Variants in AAK1 observed in about 807,000 individuals in gnomAD.
AAK1 encodes the protein AP2 associated kinase 1, also known as AP2-associated protein kinase 1.
A neutral mutation model predicts 116.0 loss-of-function variants in AAK1; 37 were observed. The ratio of observed to expected loss-of-function variants is 0.32; its 90% confidence interval spans 0.25 to 0.42. The LOEUF is 0.42. Among genes scored for constraint, AAK1 ranks in the 10% least tolerant of loss-of-function variants. The pLI is 1.00. For synonymous variants in AAK1, 458 were observed against 439.9 expected (o/e 1.04, Z -0.51); for missense variants, 919 against 1,170.6 (o/e 0.79, Z 3.14).
chr2:69,492,037 C>A lies in AAK1; in HGVS notation c.2365+3948G>T, dbSNP rs1032528979. Reference sequence around the variant, plus strand: ...GTGTGGCTGAGCACAGTCCAAACAACACTAAGGACTCACTTCCTCACCCAC... The same window carrying A: ...GTGTGGCTGAGCACAGTCCAAACAAAACTAAGGACTCACTTCCTCACCCAC... On this transcript the variant is annotated intron_variant, in intron 17 of 21. Transcript: ENST00000409085. 5.9e-5 allele frequency among the ~76,000 whole-genome samples: 9 copies of A among 152,260 alleles called. No homozygotes were observed. The East Asian group carries it at 1.2e-3, about 20-fold the overall frequency.
At chr2:69,514,844 C>G in intron 12 of AAK1, 95 bp from the exon 13 acceptor site, 3 of 1,387,582 alleles carry the variant, frequency 2.2e-6, no homozygotes, top group Non-Finnish European at 1.9e-6. Context: ...AGTGCTAAAG[C>G]CAAAGGCAAG....
At chr2:69,529,151 C>T (rs537755319) in intron 8 of AAK1, among the ~76,000 whole-genome samples, 4 of 152,162 alleles carry the variant, frequency 2.6e-5, no homozygotes, top group Non-Finnish European at 5.9e-5. Flanking sequence ...ACACTTAATA[C>T]ATAAAGGATT....
rs147521618 is a variant in AAK1, at chr2:69,463,065, A to T, written c.*12804T>A. The T allele has an allele frequency of 6.6e-6, 1 of 152,226 alleles. No homozygotes were observed. The highest frequency in any genetic ancestry group is 1.5e-5 in the Non-Finnish European group (1 of 68,040). The allele number at this position is 152,226 out of a possible 1,614,324, so 9.4% of individuals were successfully genotyped here. ...AAAAAAGGACAAAGTATTGAAAAGT[A>T]GCTGCTCATTTTTTACTGCCAATAT... On this transcript the variant is annotated 3_prime_UTR_variant, in exon 22 of 22. Transcript: ENST00000409085.
At chr2:69,626,578 T>C (rs921760028) in intron 2 of AAK1, among the ~76,000 whole-genome samples, 3 of 151,590 alleles carry the variant, frequency 2.0e-5, no homozygotes, top group Non-Finnish European at 4.4e-5. Flanking sequence ...CAGCTCACTG[T>C]AGCTTCAACC....
At chr2:69,492,654 C>T (rs1309257429) in intron 17 of AAK1, among the ~76,000 whole-genome samples, 1 of 151,112 alleles carries the variant, frequency 6.6e-6, no homozygotes, top group African/African-American at 2.4e-5. Flanking sequence ...TCCCGAGTAC[C>T]TGCAAGTACA....
chr2:69,619,620 AGAGG>A lies in AAK1; in HGVS notation c.163+23254_163+23257del, dbSNP rs199645717. 6.4e-3 allele frequency among the ~76,000 whole-genome samples: 969 copies of A among 152,330 alleles called. 22 individuals are homozygous for A. The highest frequency in any genetic ancestry group is 0.012 in the East Asian group (62 of 5,186). On this transcript the variant is annotated intron_variant, in intron 2 of 21. Coordinates refer to ENST00000409085, the MANE Select transcript of AAK1 (RefSeq NM_014911.5). ...TTATATAGCAGAGCCAAAGCAGGGA[AGAGG>A]GAGGGAGTGCTGCCGGGAGGGAGGG...
rs574060472 is a variant in AAK1, at chr2:69,633,325, A to G, written c.163+9553T>C. 1.5e-4 allele frequency among the ~76,000 whole-genome samples: 22 copies of G among 151,502 alleles called. 1 individual carries two copies. The South Asian group carries it at 4.6e-3, about 32-fold the overall frequency. On this transcript the variant is annotated intron_variant, in intron 2 of 21. Transcript: ENST00000409085. The stretch of plus-strand genomic sequence containing the variant: ...CTGACATCAAGAAGTCAGCAGTGCC[A>G]GGCACGGTGGCTCACGCCTGTAATC...
At chr2:69,602,427 A>G (rs1200191358) in intron 2 of AAK1, among the ~76,000 whole-genome samples, 5 of 152,146 alleles carry the variant, frequency 3.3e-5, no homozygotes, top group Non-Finnish European at 7.3e-5. Flanking sequence ...TATATACTGT[A>G]TATAATTATA....
At chr2:69,537,064 C>T (rs1670505631) in intron 5 of AAK1, among the ~76,000 whole-genome samples, 3 of 152,198 alleles carry the variant, frequency 2.0e-5, no homozygotes, top group South Asian at 4.1e-4. Context: ...CCGTGGTCTC[C>T]GTTCTGGTTT....
In AAK1 at chr2:69,460,720, T is replaced by C. The variant is rs764103063; in HGVS notation, c.*15149A>G. ...GTGCTGCTCAGCAGCTGCTTCAGCA[T>C]CAAATTGTGTTCATCCCATTTTCTA... On this transcript the variant is annotated 3_prime_UTR_variant, in exon 22 of 22. Transcript: ENST00000409085. 1.3e-5 allele frequency: 2 copies of C among 152,228 alleles called. No individual in the cohort carries two copies. Among genetic ancestry groups the C allele is most frequent in the Non-Finnish European group, 2.9e-5 (2 of 68,042 alleles). 9.4% of individuals were successfully genotyped at this position (152,228 alleles called of 1,614,324 possible). A position where few individuals can be genotyped will look rare whatever the true frequency, so the allele number is the denominator to read the frequency against.
chr2:69,505,127 ACACACACC>A (rs1204449768), intron 16 of AAK1, among the ~76,000 whole-genome samples: 4 of 102,148 alleles, frequency 3.9e-5, no homozygotes, highest in African/African-American at 1.7e-4. Context: ...GCGTGTGCGC[ACACACACC>A]CACACACACA....
chr2:69,542,455 T>C, intron 5 of AAK1, 68 bp downstream of exon 5: 4 of 1,577,882 alleles, frequency 2.5e-6, no homozygotes, highest in Non-Finnish European at 2.6e-6. Context: ...CCACAGTATC[T>C]ACTCCATCCC....
At chr2:69,540,626 G>C (rs1670670063) in intron 5 of AAK1, among the ~76,000 whole-genome samples, 1 of 152,238 alleles carries the variant, frequency 6.6e-6, no homozygotes, top group African/African-American at 2.4e-5. Flanking sequence ...AAGATGTGGA[G>C]AAACTGGAAC....
At chr2:69,481,898 CT>C (rs1040770925) in intron 18 of AAK1, 2 of 152,228 alleles carry the variant, frequency 1.3e-5, no homozygotes, top group Admixed American at 6.5e-5. Context: ...CTCAAACCCC[CT>C]GGCTCAAAGT....
chr2:69,527,160 G>A (rs563065952), intron 9 of AAK1, 56 bp downstream of exon 9: 99 of 1,273,960 alleles, frequency 7.8e-5, no homozygotes, highest in Non-Finnish European at 2.2e-6. Context: ...CACCCCAGGA[G>A]CTCAAAATGG....
chr2:69,544,497 A>C lies in AAK1; in HGVS notation c.330T>G (p.Ser110Arg), dbSNP rs751153458. Reference sequence around the variant, plus strand: ...CATCACCGCTACTCACGTTGTTGATACTAGAATCAATGTAACCCACAATAT... The same window carrying C: ...CATCACCGCTACTCACGTTGTTGATCCTAGAATCAATGTAACCCACAATAT... ...HKNIVGYIDS[S>R]INNVSSGDVW... The change falls in exon 4 of 22, where the codon AGT becomes AGG. Residue 110 changes from serine to arginine, a missense_variant. This residue lies in a region of AAK1 where 317 missense variants were observed against 490.4 expected (regional missense o/e 0.65). Transcript: ENST00000409085. The C allele has an allele frequency of 6.2e-7, 1 of 1,613,888 alleles. No individual in the cohort carries two copies. Among genetic ancestry groups the C allele is most frequent in the Admixed American group, 1.7e-5 (1 of 60,026 alleles).
chr2:69,586,968 T>A (rs935909728), intron 2 of AAK1, among the ~76,000 whole-genome samples: 2 of 152,280 alleles, frequency 1.3e-5, no homozygotes, highest in Admixed American at 6.5e-5. Flanking sequence ...AATCTTCTAA[T>A]CTTCAAGGAA....
At chr2:69,586,219 T>C (rs1672758004) in intron 2 of AAK1, among the ~76,000 whole-genome samples, 1 of 152,216 alleles carries the variant, frequency 6.6e-6, no homozygotes, top group African/African-American at 2.4e-5. Flanking sequence ...TTTCAGGCCT[T>C]TTCCAGGTGA....
chr2:69,598,879 A>T (rs1673427540), intron 2 of AAK1: 1 of 288,466 alleles, frequency 3.5e-6, no homozygotes, highest in Non-Finnish European at 6.9e-6. Context: ...GTGTGATTGC[A>T]GCCCATGGCT....
Sources: allele counts gnomAD v4.1 joint callset (sites outside exome capture counted in the v4.1 genomes callset), GRCh38; gene constraint gnomAD v4.1.1; regional missense constraint gnomAD v4.1.1; transcripts MANE v1.5; gene names NCBI Gene and HGNC (gene_info 2026-07-23, HGNC 2026-07-21).